The following SEL1L3 variants were observed in gnomAD, a reference collection of about 807,000 sequenced individuals.
SEL1L3 encodes SEL1L family member 3, also known as protein sel-1 homolog 3.
In SEL1L3, 76 loss-of-function variants were observed where a neutral mutation model predicts 142.8. That is an observed-to-expected ratio of 0.53 (90% confidence interval 0.44 to 0.64). The LOEUF (loss-of-function observed/expected upper bound fraction) is 0.64, where lower values mean the gene tolerates loss of function less well. Ranked by LOEUF, SEL1L3 falls within the 30% of genes least tolerant of loss-of-function variation. The probability of loss-of-function intolerance (pLI) is 0.00; values close to 1 mark genes in which losing one functional copy is unlikely to be tolerated. For missense variants in SEL1L3, 1,262 were observed against 1,381.7 expected, an observed-to-expected ratio of 0.91 and a Z score of 1.37; for synonymous variants, 504 against 519.6, an observed-to-expected ratio of 0.97 and a Z score of 0.41.
At chr4:25,753,522 C>T (rs1306567103) in intron 23 of SEL1L3, among the ~76,000 whole-genome samples, 1 of 152,206 alleles carries the variant, frequency 6.6e-6, no homozygotes. Context: ...TGGGGCAGGT[C>T]TCAGGACCTT....
downstream of SEL1L3, among the ~76,000 whole-genome samples, chr4:25,745,790 C>T (rs1339964168): frequency 6.6e-6 from 1 of 152,252 alleles, no homozygotes; most frequent in African/African-American, 2.4e-5. Flanking sequence ...ACGGGCTGCT[C>T]TTGCAAGGGT....
At chr4:25,726,900 G>C in the SEL1L3 span, among the ~76,000 whole-genome samples, 1 of 152,180 alleles carries the variant, frequency 6.6e-6, no homozygotes, top group Non-Finnish European at 1.5e-5. Flanking sequence ...CAGGAGGCTG[G>C]AAGTCCAAGA....
chr4:25,797,953 G>A, intron 11 of SEL1L3, among the ~76,000 whole-genome samples: 1 of 152,150 alleles, frequency 6.6e-6, no homozygotes, highest in East Asian at 1.9e-4. Flanking sequence ...CTTCCAGAGG[G>A]GGTGACATCT....
intron 11 of SEL1L3, among the ~76,000 whole-genome samples, chr4:25,794,712 G>T (rs1205004966): frequency 6.6e-6 from 1 of 152,130 alleles, no homozygotes; most frequent in Non-Finnish European, 1.5e-5. Flanking sequence ...TCCCATTACC[G>T]GGTATATATC....
chr4:25,742,126 C>T, the SEL1L3 span, among the ~76,000 whole-genome samples: 1 of 150,972 alleles, frequency 6.6e-6, no homozygotes, highest in South Asian at 2.1e-4. Flanking sequence ...CTTACGTTTT[C>T]TATTACTAGC....
At chr4:25,852,916 C>T (rs11947081) in intron 1 of SEL1L3, among the ~76,000 whole-genome samples, 19,365 of 152,124 alleles carry the variant, frequency 0.13, 4,130 homozygotes, top group African/African-American at 0.44. Context: ...AGGGTAATGA[C>T]CATTTGATTT....
the SEL1L3 span, among the ~76,000 whole-genome samples, chr4:25,725,810 C>T: frequency 1.4e-4 from 22 of 152,238 alleles, no homozygotes; most frequent in East Asian, 4.3e-3. Context: ...TAAAGTGTCA[C>T]AGCACTGGTG....
chr4:25,808,563 G>C (rs536455271), intron 9 of SEL1L3, among the ~76,000 whole-genome samples: 2 of 152,134 alleles, frequency 1.3e-5, no homozygotes, highest in African/African-American at 2.4e-5. Flanking sequence ...TAGGAAAGTC[G>C]TTTTTAGTTT....
At chr4:25,854,669 G>A (rs1233070821) in intron 1 of SEL1L3, among the ~76,000 whole-genome samples, 1 of 152,180 alleles carries the variant, frequency 6.6e-6, no homozygotes, top group Non-Finnish European at 1.5e-5. Flanking sequence ...GGAGAAACGG[G>A]GTGAATAGCT....
intron 20 of SEL1L3, among the ~76,000 whole-genome samples, chr4:25,761,879 A>C (rs142351297): frequency 1.3e-5 from 2 of 152,348 alleles, no homozygotes; most frequent in African/African-American, 4.8e-5. Flanking sequence ...GTGAGGTATT[A>C]AATGGAAAGC....
At chr4:25,754,325 T>G (rs185823001) in intron 23 of SEL1L3, among the ~76,000 whole-genome samples, 221 of 147,546 alleles carry the variant, frequency 1.5e-3, no homozygotes, top group Middle Eastern at 7.0e-3. Context: ...AATAAATAAA[T>G]AAATAAATAT....
At chr4:25,762,731 G>C (rs1718453802) in intron 20 of SEL1L3, among the ~76,000 whole-genome samples, 1 of 152,160 alleles carries the variant, frequency 6.6e-6, no homozygotes, top group South Asian at 2.1e-4. Flanking sequence ...TCTAATCCCA[G>C]CACTTTGGGA....
chr4:25,835,530 C>T (rs1001956588), intron 2 of SEL1L3, among the ~76,000 whole-genome samples: 31 of 152,244 alleles, frequency 2.0e-4, no homozygotes, highest in African/African-American at 7.2e-4. Flanking sequence ...CATAACAACT[C>T]TGTGAAGTAG....
At chr4:25,841,994 C>A (rs1331775873) in intron 2 of SEL1L3, among the ~76,000 whole-genome samples, 1 of 152,080 alleles carries the variant, frequency 6.6e-6, no homozygotes, top group African/African-American at 2.4e-5. Flanking sequence ...CCACATAAAG[C>A]ACTTTGACAG....
rs776479485 is a variant in SEL1L3, at chr4:25,802,400, C to T, written c.1839G>A (p.Gly613=). ...GSERLSSMNL[G]YKHYQGIDNY... ...TGTCAATACCCTGGTAGTGTTTATA[C>T]CCAAGATTCATTGAAGACAGCCTCT... The change falls in exon 11 of 24, where the codon GGG becomes GGA. Residue 613 remains glycine (G), a synonymous_variant. Transcript: ENST00000399878. 1.9e-6 allele frequency: 3 copies of T among 1,613,842 alleles called. 1 individual carries two copies. In the South Asian group the frequency reaches 3.3e-5, roughly 18 times the overall value.
intron 1 of SEL1L3, 150 bp downstream of exon 1, chr4:25,862,525 G>C: frequency 2.6e-6 from 1 of 387,030 alleles, no homozygotes; most frequent in East Asian, 4.4e-5. Context: ...CCTATCCCAG[G>C]TGCCGGGAAC....
intron 1 of SEL1L3, among the ~76,000 whole-genome samples, chr4:25,857,716 C>T (rs1717364570): frequency 6.6e-6 from 1 of 152,220 alleles, no homozygotes; most frequent in African/African-American, 2.4e-5. Flanking sequence ...GAAGGTGTGC[C>T]TCTTGTCTTC....
In SEL1L3 at chr4:25,842,742, G is replaced by GCA. The variant is rs1217495145; in HGVS notation, c.733+4551_733+4552insTG. ...TCATTCAATCAACAAGTAGTCATGA[G>GCA]TGCAGGGGCCTATGATCAGCATCAG... On this transcript the variant is annotated intron_variant, in intron 2 of 23. Coordinates refer to ENST00000399878, the MANE Select transcript of SEL1L3 (RefSeq NM_015187.5). 2.6e-5 allele frequency among the ~76,000 whole-genome samples: 4 copies of GCA among 152,266 alleles called. No individual in the cohort carries two copies. In the East Asian group the frequency reaches 7.7e-4, roughly 29 times the overall value.
upstream of SEL1L3, chr4:25,863,565 C>T (rs1717908901): frequency 2.8e-6 from 2 of 701,916 alleles, no homozygotes; most frequent in Non-Finnish European, 5.2e-6. Flanking sequence ...GCGCAGCTGC[C>T]CGGCTCCCAG....
Sources: allele counts gnomAD v4.1 joint callset (sites outside exome capture counted in the v4.1 genomes callset), GRCh38; gene constraint gnomAD v4.1.1; transcripts MANE v1.5; gene names NCBI Gene and HGNC (gene_info 2026-07-23, HGNC 2026-07-21).